Variants in QTMAN observed in about 807,000 individuals in gnomAD.
QTMAN encodes the protein queuosine-tRNA mannosyltransferase.
chr2:144,148,188 T>C, the QTMAN span, among the ~76,000 whole-genome samples: 1 of 151,948 alleles, frequency 6.6e-6, no homozygotes, highest in Admixed American at 6.6e-5. Context: ...AATATTCCTA[T>C]TGTTAGGAGA....
the QTMAN span, chr2:144,006,555 T>C: frequency 6.6e-6 from 1 of 152,118 alleles, no homozygotes; most frequent in Admixed American, 6.6e-5. Context: ...ATTTTACTTC[T>C]TTAAATCCTA....
At chr2:143,958,728 ATGACAAAAACATTTT>A in the QTMAN span, among the ~76,000 whole-genome samples, 2 of 148,720 alleles carry the variant, frequency 1.3e-5, no homozygotes, top group African/African-American at 2.5e-5. Context: ...CAGAACTTTT[ATGACAAAAACATTTT>A]ATAGAGAGAG....
At chr2:144,125,625 AC>A in the QTMAN span, among the ~76,000 whole-genome samples, 2 of 152,052 alleles carry the variant, frequency 1.3e-5, no homozygotes, top group African/African-American at 4.8e-5. Flanking sequence ...TGAAAGTGTT[AC>A]CCTAAAATGC....
At chr2:144,250,480 G>A in the QTMAN span, among the ~76,000 whole-genome samples, 1 of 151,878 alleles carries the variant, frequency 6.6e-6, no homozygotes, top group Non-Finnish European at 1.5e-5. Flanking sequence ...AAGTAATTTA[G>A]ACCTGGATAA....
the QTMAN span, among the ~76,000 whole-genome samples, chr2:143,998,894 T>G: frequency 2.0e-5 from 3 of 152,106 alleles, no homozygotes; most frequent in East Asian, 5.8e-4. Context: ...AAAGCAATGC[T>G]GATCACATGA....
the QTMAN span, among the ~76,000 whole-genome samples, chr2:144,279,082 T>C: frequency 6.6e-6 from 1 of 152,290 alleles, no homozygotes; most frequent in African/African-American, 2.4e-5. Context: ...CAAGTCTCTA[T>C]GATGTTCCAG....
the QTMAN span, among the ~76,000 whole-genome samples, chr2:144,183,263 G>C: frequency 9.2e-5 from 14 of 151,922 alleles, no homozygotes; most frequent in East Asian, 2.5e-3. Flanking sequence ...AATTTCACTG[G>C]ATCTTTCAAC....
At chr2:144,270,941 A>G in the QTMAN span, among the ~76,000 whole-genome samples, 1 of 152,226 alleles carries the variant, frequency 6.6e-6, no homozygotes. Context: ...GGTTTAAATA[A>G]TAAACTTAAG....
At chr2:143,999,352 TATA>T in the QTMAN span, among the ~76,000 whole-genome samples, 1 of 151,124 alleles carries the variant, frequency 6.6e-6, no homozygotes, top group African/African-American at 2.4e-5. Context: ...ACTAGAGAAA[TATA>T]ATGATGACTA....
chr2:144,273,208 TAAA>T, the QTMAN span, among the ~76,000 whole-genome samples: 2 of 143,570 alleles, frequency 1.4e-5, no homozygotes, highest in Non-Finnish European at 3.1e-5. Flanking sequence ...AACAAAAAGC[TAAA>T]AAAAAAAAGT....
At chr2:144,096,326 C>T in the QTMAN span, among the ~76,000 whole-genome samples, 1 of 152,174 alleles carries the variant, frequency 6.6e-6, no homozygotes, top group Non-Finnish European at 1.5e-5. Flanking sequence ...AAGATATCCA[C>T]TTAAAAGAGA....
chr2:144,322,691 CT>C, the QTMAN span, among the ~76,000 whole-genome samples: 1 of 152,046 alleles, frequency 6.6e-6, no homozygotes, highest in Non-Finnish European at 1.5e-5. Context: ...TTTTTTGATA[CT>C]ACACCAAAAC....
the QTMAN span, among the ~76,000 whole-genome samples, chr2:144,084,037 C>T: frequency 4.6e-5 from 7 of 152,092 alleles, no homozygotes; most frequent in Admixed American, 1.3e-4. Context: ...ATAAGAGAAT[C>T]GCAAAACAAT....
the QTMAN span, among the ~76,000 whole-genome samples, chr2:144,054,825 C>A: frequency 6.6e-6 from 1 of 152,156 alleles, no homozygotes; most frequent in African/African-American, 2.4e-5. Context: ...TTCTTTTCCC[C>A]TTCCTTGCTT....
the QTMAN span, among the ~76,000 whole-genome samples, chr2:143,998,339 T>C: frequency 6.6e-6 from 1 of 152,080 alleles, no homozygotes; most frequent in Non-Finnish European, 1.5e-5. Context: ...TCTCTGTTTC[T>C]GAATTTTCCC....
chr2:144,254,959 A>T, the QTMAN span, among the ~76,000 whole-genome samples: 1 of 152,204 alleles, frequency 6.6e-6, no homozygotes, highest in Non-Finnish European at 1.5e-5. Context: ...ACCCATTTGG[A>T]ATGGGTGTAT....
chr2:144,080,667 C>A, the QTMAN span, among the ~76,000 whole-genome samples: 1 of 152,086 alleles, frequency 6.6e-6, no homozygotes, highest in East Asian at 1.9e-4. Context: ...ATACTGATTT[C>A]AGATTTGTGG....
At chr2:144,009,862 TA>T in the QTMAN span, among the ~76,000 whole-genome samples, 1 of 151,706 alleles carries the variant, frequency 6.6e-6, no homozygotes, top group Non-Finnish European at 1.5e-5. Flanking sequence ...CCAGAAAAGG[TA>T]AAAAAATAGA....
At chr2:144,261,426 G>A in the QTMAN span, among the ~76,000 whole-genome samples, 1 of 151,970 alleles carries the variant, frequency 6.6e-6, no homozygotes. Context: ...CATGTCCTTG[G>A]TTTACACCTG....
Sources: allele counts gnomAD v4.1 joint callset (sites outside exome capture counted in the v4.1 genomes callset), GRCh38; gene constraint gnomAD v4.1.1; transcripts MANE v1.5; gene names NCBI Gene and HGNC (gene_info 2026-07-23, HGNC 2026-07-21).